Variants in LRP12 observed in about 807,000 individuals in gnomAD.
The protein encoded by LRP12 is LDL receptor related protein 12.
A neutral mutation model predicts 66.0 loss-of-function variants in LRP12; 14 were observed. The ratio of observed to expected loss-of-function variants is 0.21; its 90% confidence interval spans 0.14 to 0.33. LRP12 has a LOEUF of 0.33. Among genes scored for constraint, LRP12 ranks in the 10% least tolerant of loss-of-function variants. The probability of loss-of-function intolerance (pLI) is 1.00; values close to 1 mark genes in which losing one functional copy is unlikely to be tolerated. For missense variants in LRP12, 889 were observed against 1,053.4 expected (o/e 0.84, Z 2.16); for synonymous variants, 357 against 359.1 (o/e 0.99, Z 0.07).
chr8:104,495,231 A>C (rs751128233), intron 5 of LRP12, 22 bp from the exon 6 acceptor site: 1 of 1,600,988 alleles, frequency 6.2e-7, no homozygotes. Context: ...GATGGAAAGA[A>C]AAATGATTAA....
At chr8:104,539,775 T>G (rs1263478587) in intron 1 of LRP12, among the ~76,000 whole-genome samples, 2 of 152,040 alleles carry the variant, frequency 1.3e-5, no homozygotes, top group Admixed American at 1.3e-4. Context: ...TCAAATTATG[T>G]GAGAAGATAA....
In LRP12 at chr8:104,497,553, T is replaced by A; in HGVS notation, c.999A>T (p.Thr333=). 1 of 1,613,850 alleles carries A rather than the reference T, an allele frequency of 6.2e-7. No individual in the cohort carries two copies. Among genetic ancestry groups the A allele is most frequent in the Non-Finnish European group, 8.5e-7 (1 of 1,179,936 alleles). ...TAAGAGGTGCATGAGAATCAAAAGC[T>A]GTCAACACACGCAAAAGCTTGTGTG... ...ENPHKLLRVL[T]AFDSHAPLTV... Residue 333 remains threonine (T), a synonymous_variant, in exon 5 of 7, where the codon ACA becomes ACT. Coordinates refer to ENST00000276654, the MANE Select transcript of LRP12 (RefSeq NM_013437.5). This position sits in a 1 kb window ranked among gnomAD's most constrained non-coding sequence, Gnocchi z 4.3.
chr8:104,509,051 T>G lies in LRP12; in HGVS notation c.160A>C (p.Ile54Leu), dbSNP rs746556991. 1.6e-5 allele frequency: 26 copies of G among 1,613,694 alleles called. No homozygotes were observed. The African/African-American group carries it at 3.5e-4, about 22-fold the overall frequency. Residue 54 changes from isoleucine (I) to leucine (L), a missense_variant, in exon 3 of 7, where the codon ATA becomes CTA. Physicochemically the swap from Ile to Leu is conservative, Grantham distance 5. Transcript: ENST00000276654. ...STACGETPEQ[I>L]RAPSGIITSP... ...GTGATTATGCCACTTGGTGCTCGTA[T>G]TTGCTCTGGAGTCTCTCCACAAGCT...
At chr8:104,549,224 A>AT (rs1398857418) in intron 1 of LRP12, among the ~76,000 whole-genome samples, 1 of 152,074 alleles carries the variant, frequency 6.6e-6, no homozygotes, top group East Asian at 1.9e-4. Context: ...TTTCTCAGCC[A>AT]AAGTTTTTGA....
intron 1 of LRP12, 50 bp downstream of exon 1, chr8:104,588,769 G>A (rs1224101694): frequency 1.9e-6 from 3 of 1,564,448 alleles, no homozygotes; most frequent in Admixed American, 3.6e-5. Context: ...CGGGGCCCGG[G>A]TCGCCTCAGC....
At position 104,491,480 on chromosome 8, in the gene LRP12, G is replaced by C. The variant is rs752203411; in HGVS notation, c.1773C>G (p.Val591=). 2 of 1,613,502 alleles carry C rather than the reference G, an allele frequency of 1.2e-6. No individual in the cohort carries two copies. Among genetic ancestry groups the C allele is most frequent in the African/African-American group, 1.3e-5 (1 of 74,760 alleles). The stretch of plus-strand genomic sequence containing the variant: ...TTGATCTGCCTGCCATAGGAAGCCT[G>C]ACTGAAGTAAATCCAAGCTGAGATC... The part of the protein sequence containing the change: ...AVRSQLGFTS[V]RLPMAGRSSN... Residue 591 remains valine (V), a synonymous_variant, in exon 7 of 7, where the codon GTC becomes GTG. Coordinates refer to ENST00000276654, the MANE Select transcript of LRP12 (RefSeq NM_013437.5).
At chr8:104,586,926 T>C (rs1438199288) in intron 1 of LRP12, among the ~76,000 whole-genome samples, 1 of 152,074 alleles carries the variant, frequency 6.6e-6, no homozygotes, top group African/African-American at 2.4e-5. Context: ...CGGCCCACAC[T>C]GTTGGAAAAA....
At chr8:104,564,637 A>G (rs1811967064) in intron 1 of LRP12, among the ~76,000 whole-genome samples, 1 of 152,070 alleles carries the variant, frequency 6.6e-6, no homozygotes, top group Non-Finnish European at 1.5e-5. Context: ...TATGAAAAAA[A>G]AAAGAAAATT....
At chr8:104,506,468 CTCT>C (rs986251829) in intron 3 of LRP12, 37 of 151,908 alleles carry the variant, frequency 2.4e-4, no homozygotes, top group African/African-American at 8.5e-4. Flanking sequence ...TTTTAATCCT[CTCT>C]TCTTCTATGT....
At chr8:104,544,088 A>G (rs1811519469) in intron 1 of LRP12, among the ~76,000 whole-genome samples, 1 of 152,216 alleles carries the variant, frequency 6.6e-6, no homozygotes, top group Non-Finnish European at 1.5e-5. Flanking sequence ...ACAAATGATA[A>G]GAAAGCAAAA....
At chr8:104,566,680 T>G (rs6982693) in intron 1 of LRP12, among the ~76,000 whole-genome samples, 1 of 152,120 alleles carries the variant, frequency 6.6e-6, no homozygotes, top group African/African-American at 2.4e-5. Context: ...ATCTGACAAT[T>G]AGAAAAATTC....
chr8:104,577,158 A>G (rs923634908), intron 1 of LRP12, among the ~76,000 whole-genome samples: 6 of 152,120 alleles, frequency 3.9e-5, no homozygotes, highest in African/African-American at 1.4e-4. Context: ...CACCTCACTG[A>G]CAGTATTAGA....
chr8:104,506,670 T>C (rs145073425), intron 3 of LRP12: 42 of 152,334 alleles, frequency 2.8e-4, no homozygotes, highest in African/African-American at 9.9e-4. Flanking sequence ...GCCTCCTGTC[T>C]GGAGCAAAAT....
At chr8:104,568,156 G>A (rs1812032555) in intron 1 of LRP12, among the ~76,000 whole-genome samples, 2 of 152,136 alleles carry the variant, frequency 1.3e-5, no homozygotes, top group Admixed American at 6.6e-5. Context: ...AGGGTGCCAG[G>A]AGGATTAAAT....
chr8:104,498,206 A>G, intron 4 of LRP12, 130 bp from the exon 5 acceptor site: 1 of 945,892 alleles, frequency 1.1e-6, no homozygotes. Flanking sequence ...GTTTTAAAAA[A>G]CAGGTTGGTT....
At chr8:104,572,791 C>G (rs1812102864) in intron 1 of LRP12, among the ~76,000 whole-genome samples, 1 of 152,006 alleles carries the variant, frequency 6.6e-6, no homozygotes, top group South Asian at 2.1e-4. Flanking sequence ...AGAGTTATTT[C>G]CCCAAAGGCA....
chr8:104,490,627 G>A lies in LRP12; in HGVS notation c.*46C>T, dbSNP rs2140824229. 6.6e-7 allele frequency: 1 copy of A among 1,521,718 alleles called. No individual in the cohort carries two copies. The highest frequency in any genetic ancestry group is 1.3e-5 in the South Asian group (1 of 74,842). The allele number at this position is 1,521,718 out of a possible 1,614,324, so 94.3% of individuals were successfully genotyped here. On this transcript the variant is annotated 3_prime_UTR_variant, in exon 7 of 7. Transcript: ENST00000276654. ...ACTGTAAAGTTACAAAATAATAAAT[G>A]GATATTGCTCCAACTTGTATACAAT...
At chr8:104,548,324 A>G in intron 1 of LRP12, among the ~76,000 whole-genome samples, 1 of 12,740 alleles carries the variant, frequency 7.8e-5, no homozygotes, top group African/African-American at 6.2e-4. Context: ...TAAATATATA[A>G]TATATATTAT....
intron 1 of LRP12, among the ~76,000 whole-genome samples, chr8:104,584,343 T>A (rs1812298320): frequency 6.6e-6 from 1 of 151,836 alleles, no homozygotes; most frequent in South Asian, 2.1e-4. Context: ...ATATTTTTAC[T>A]GAACTTTCAC....
Sources: allele counts gnomAD v4.1 joint callset (sites outside exome capture counted in the v4.1 genomes callset), GRCh38; gene constraint gnomAD v4.1.1; non-coding constraint Gnocchi (gnomAD v3.1); transcripts MANE v1.5; gene names NCBI Gene and HGNC (gene_info 2026-07-23, HGNC 2026-07-21).